The following ATL2 variants were observed in gnomAD, a reference collection of about 807,000 sequenced individuals.
ATL2 encodes atlastin GTPase 2, also known as atlastin-2.
Under a neutral mutation model 73.9 loss-of-function variants are expected in ATL2, and 31 were observed. That is an observed-to-expected ratio of 0.42 (90% confidence interval 0.32 to 0.57). The LOEUF (loss-of-function observed/expected upper bound fraction) is 0.57. Among genes scored for constraint, ATL2 ranks in the 20% least tolerant of loss-of-function variants. The pLI is 0.14. For synonymous variants in ATL2, 291 were observed against 237.5 expected (o/e 1.23, Z -2.07); for missense variants, 738 against 702.6 (o/e 1.05, Z -0.57).
intron 1 of ATL2, chr2:38,358,679 G>C (rs1402343531): frequency 6.2e-6 from 1 of 160,018 alleles, no homozygotes; most frequent in Non-Finnish European, 1.4e-5. Context: ...GCGACAGAGC[G>C]AGACTCCGTC....
chr2:38,351,025 G>A (rs934264832), intron 1 of ATL2, among the ~76,000 whole-genome samples: 4 of 152,042 alleles, frequency 2.6e-5, no homozygotes, highest in Admixed American at 6.6e-5. Context: ...CTTATAAAAA[G>A]AGAACAAAGA....
At chr2:38,370,150 C>CAAAAAA (rs962952444) in intron 1 of ATL2, among the ~76,000 whole-genome samples, 8 of 43,906 alleles carry the variant, frequency 1.8e-4, no homozygotes, top group African/African-American at 5.5e-4. Context: ...GAGACTCCGT[C>CAAAAAA]AAAAAAAAAA....
chr2:38,307,758 GGAAAA>G (rs145762534), intron 9 of ATL2, among the ~76,000 whole-genome samples: 5,821 of 151,114 alleles, frequency 0.039, 150 homozygotes, highest in African/African-American at 0.072. Flanking sequence ...AACTCTACAG[GGAAAA>G]GAAAAAAAAA....
rs1051660646 is a variant in ATL2, at chr2:38,294,902, A to T, written c.*1092T>A. Reference sequence around the variant, plus strand: ...AAGTTTCATTTTATATATACAACAAATTTTTAATTATGTACTGAAAATAAA... The same window carrying T: ...AAGTTTCATTTTATATATACAACAATTTTTTAATTATGTACTGAAAATAAA... On this transcript the variant is annotated 3_prime_UTR_variant, in exon 13 of 13. Transcript: ENST00000378954. The T allele has an allele frequency of 6.7e-6, 1 of 149,950 alleles. No individual in the cohort carries two copies. Among genetic ancestry groups the T allele is most frequent in the Non-Finnish European group, 1.5e-5 (1 of 67,490 alleles). 9.3% of individuals were successfully genotyped at this position (149,950 alleles called of 1,614,324 possible).
chr2:38,377,066 G>A (rs1283926195), intron 1 of ATL2, 77 bp downstream of exon 1: 3 of 1,402,548 alleles, frequency 2.1e-6, no homozygotes, highest in East Asian at 5.3e-5. Flanking sequence ...CGCCGCCTGC[G>A]GCCGGTGCCC....
chr2:38,362,949 T>A (rs977389568), intron 1 of ATL2, among the ~76,000 whole-genome samples: 1 of 152,156 alleles, frequency 6.6e-6, no homozygotes, highest in African/African-American at 2.4e-5. Flanking sequence ...GAGGAAAACA[T>A]TATTAGTAAC....
chr2:38,334,878 T>TTATATAA (rs983995163), intron 2 of ATL2, among the ~76,000 whole-genome samples: 14 of 134,770 alleles, frequency 1.0e-4, no homozygotes, highest in African/African-American at 3.5e-4. Flanking sequence ...ATAATATATA[T>TTATATAA]TATATAATAT....
At position 38,363,930 on chromosome 2, in the gene ATL2, A is replaced by AGAT. The variant is rs576245404; in HGVS notation, c.118+13212_118+13213insATC. 4.8e-4 allele frequency among the ~76,000 whole-genome samples: 73 copies of AGAT among 152,302 alleles called. 1 individual carries two copies. Among genetic ancestry groups the AGAT allele is most frequent in the African/African-American group, 1.7e-3 (71 of 41,568 alleles). On this transcript the variant is annotated intron_variant, in intron 1 of 12. Transcript: ENST00000378954. ...ATAAAGACATTCTGAAGACGGCTGC[A>AGAT]CCTCTTAAGCCCTGAGGATCAGATT...
intron 4 of ATL2, among the ~76,000 whole-genome samples, chr2:38,317,533 G>A (rs568532706): frequency 2.0e-5 from 3 of 152,066 alleles, no homozygotes; most frequent in African/African-American, 2.4e-5. Flanking sequence ...AAATGAAGGT[G>A]CTAAAAATCC....
At chr2:38,326,216 A>T (rs1215604738) in intron 2 of ATL2, among the ~76,000 whole-genome samples, 1 of 152,266 alleles carries the variant, frequency 6.6e-6, no homozygotes, top group Non-Finnish European at 1.5e-5. Context: ...ACAGATTTTG[A>T]GTTCAATAAA....
At chr2:38,378,261 T>A (rs2124520553), upstream of ATL2, among the ~76,000 whole-genome samples, 1 of 152,324 alleles carries the variant, frequency 6.6e-6, no homozygotes, top group South Asian at 2.1e-4. Context: ...ATGCACAATC[T>A]CTAGAAAAGC....
At chr2:38,311,121 CA>C (rs369241978) in intron 7 of ATL2, among the ~76,000 whole-genome samples, 22 of 145,010 alleles carry the variant, frequency 1.5e-4, no homozygotes, top group South Asian at 4.4e-4. Flanking sequence ...CAGAACAAAA[CA>C]AAAAAAAAAG....
intron 9 of ATL2, among the ~76,000 whole-genome samples, chr2:38,303,960 G>A (rs868398717): frequency 3.5e-4 from 53 of 152,126 alleles, no homozygotes; most frequent in African/African-American, 1.2e-3. Context: ...GAGAAATGAC[G>A]TCTCTGTTAA....
At chr2:38,368,864 G>T (rs1002158324) in intron 1 of ATL2, among the ~76,000 whole-genome samples, 11 of 152,130 alleles carry the variant, frequency 7.2e-5, no homozygotes, top group Non-Finnish European at 1.5e-4. Context: ...GGAGGTTGGA[G>T]GATCGCTTAA....
At chr2:38,362,161 TG>T (rs1158722966) in intron 1 of ATL2, among the ~76,000 whole-genome samples, 1 of 152,206 alleles carries the variant, frequency 6.6e-6, no homozygotes, top group African/African-American at 2.4e-5. Context: ...TTAAAGGGCT[TG>T]TTTTTGCTTG....
chr2:38,377,044 G>T lies in ATL2; in HGVS notation c.118+99C>A. ...GCGGGAGGAGACCTGAACCAGCCGC[G>T]GACTCCGACCCCGCCGCCTGCGGCC... On this transcript the variant is annotated intron_variant, in intron 1 of 12. Transcript: ENST00000378954. The T allele has an allele frequency of 8.0e-6, 9 of 1,125,230 alleles. 1 individual carries two copies. Among genetic ancestry groups the T allele is most frequent in the South Asian group, 7.6e-5 (5 of 65,774 alleles). The allele number at this position is 1,125,230 out of a possible 1,614,324, so 69.7% of individuals were successfully genotyped here. A position where few individuals can be genotyped will look rare whatever the true frequency, so the allele number is the denominator to read the frequency against.
At chr2:38,330,471 C>G (rs1251872236) in intron 2 of ATL2, among the ~76,000 whole-genome samples, 2 of 152,070 alleles carry the variant, frequency 1.3e-5, no homozygotes, top group Non-Finnish European at 2.9e-5. Flanking sequence ...AAACAATCAT[C>G]ATTTGCAGAT....
At chr2:38,369,248 A>G (rs112517328) in intron 1 of ATL2, among the ~76,000 whole-genome samples, 61,300 of 151,258 alleles carry the variant, frequency 0.41, 15,614 homozygotes, top group African/African-American at 0.73. Flanking sequence ...TCAGGAGTTC[A>G]AGACCAGCCT....
At chr2:38,307,907 T>C (rs1191846877) in intron 9 of ATL2, among the ~76,000 whole-genome samples, 1 of 152,096 alleles carries the variant, frequency 6.6e-6, no homozygotes, top group Non-Finnish European at 1.5e-5. Context: ...CAGAAAGATA[T>C]CATCTTTCTC....
Sources: allele counts gnomAD v4.1 joint callset (sites outside exome capture counted in the v4.1 genomes callset), GRCh38; gene constraint gnomAD v4.1.1; transcripts MANE v1.5; gene names NCBI Gene and HGNC (gene_info 2026-07-23, HGNC 2026-07-21).